NPHP4: variants seen among roughly 807,000 people sequenced by gnomAD.
The protein encoded by NPHP4 is nephrocystin-4.
Under a neutral mutation model 155.8 loss-of-function variants are expected in NPHP4, and 151 were observed. The observed-to-expected ratio is 0.97, with a 90% confidence interval of 0.85 to 1.11. The LOEUF is 1.11. NPHP4 is among the 50% of genes least tolerant of loss of function. The pLI is 0.00. For missense variants in NPHP4, 1,956 were observed against 1,925.7 expected (o/e 1.02, Z -0.29); for synonymous variants, 845 against 816.8 (o/e 1.03, Z -0.59).
At chr1:5,885,463 C>T (rs1056833033) in intron 18 of NPHP4, among the ~76,000 whole-genome samples, 3 of 152,350 alleles carry the variant, frequency 2.0e-5, no homozygotes, top group Non-Finnish European at 2.9e-5. Flanking sequence ...TGTCCCTGGA[C>T]GACAAAAGCT....
intron 9 of NPHP4, among the ~76,000 whole-genome samples, chr1:5,942,716 G>C (rs188537701): frequency 1.1e-4 from 16 of 152,092 alleles, no homozygotes; most frequent in Non-Finnish European, 1.9e-4. Flanking sequence ...GGACACACAT[G>C]GATCAGTTCA....
chr1:5,894,775 GAAAAC>G (rs1474588029), intron 16 of NPHP4, among the ~76,000 whole-genome samples: 5 of 152,030 alleles, frequency 3.3e-5, no homozygotes, highest in African/African-American at 1.2e-4. Context: ...TAATCAATTA[GAAAAC>G]AAAACAATAG....
rs1648419003 is a variant in NPHP4, at chr1:5,952,810, G to A, written c.700C>T (p.Gln234Ter). The change falls in exon 7 of 30, where the codon CAG becomes TAG. Residue 234 changes from glutamine (Q) to a stop codon, truncating the protein, a stop_gained. Coordinates refer to ENST00000378156, the MANE Select transcript of NPHP4 (RefSeq NM_015102.5). LOFTEE classifies it high-confidence loss of function. ...TCCAAGTGCCCCGTGATGGGCTTCT[G>A]GAGGCGAGGCTTTCGGAGAGCGTCG... is the stretch of plus-strand genomic sequence containing the variant. ...SGDALRKPRL[Q>*]KPITGHLDDL... is the part of the protein sequence containing the mutation. 1 of 1,600,452 alleles carries A rather than the reference G, an allele frequency of 6.2e-7. No individual in the cohort carries two copies. The highest frequency in any genetic ancestry group is 1.3e-5 in the African/African-American group (1 of 74,546).
chr1:5,887,289 C>G lies in NPHP4; in HGVS notation c.2482G>C (p.Val828Leu), dbSNP rs774129927. ...GCACAAGGCTGGGGACTCTTACCCA[C>G]GTTGGCCAAAGTCAGGTGCAGCCGG... ...KGRLHLTLANVGHPCEQKVRG... is the reference protein window; with the variant it reads ...KGRLHLTLANLGHPCEQKVRG... The change falls in exon 18 of 30, where the codon GTG becomes CTG. Residue 828 changes from valine to leucine, a missense_variant. Val to Leu is a conservative substitution (Grantham distance 32). Transcript: ENST00000378156. 4 of 1,612,232 alleles carry G rather than the reference C, an allele frequency of 2.5e-6. No individual in the cohort carries two copies. Among genetic ancestry groups the G allele is most frequent in the Non-Finnish European group, 3.4e-6 (4 of 1,179,338 alleles).
chr1:5,978,465 G>A, intron 2 of NPHP4, 52 bp from the exon 3 acceptor site: 1 of 1,557,114 alleles, frequency 6.4e-7, no homozygotes, highest in South Asian at 1.2e-5. Flanking sequence ...CATGAGCCAG[G>A]AGGTCACTGG....
intron 16 of NPHP4, among the ~76,000 whole-genome samples, chr1:5,891,898 G>T (rs1249036584): frequency 6.6e-6 from 1 of 152,210 alleles, no homozygotes; most frequent in Non-Finnish European, 1.5e-5. Context: ...CTCAAGACCA[G>T]AGGACAAGGA....
intron 10 of NPHP4, among the ~76,000 whole-genome samples, chr1:5,929,215 T>A (rs770498671): frequency 2.0e-4 from 31 of 152,246 alleles, no homozygotes; most frequent in Non-Finnish European, 3.7e-4. Context: ...CCTCAGAATC[T>A]TTGGCATAGA....
intron 9 of NPHP4, among the ~76,000 whole-genome samples, chr1:5,943,652 T>G (rs1010938512): frequency 6.6e-6 from 1 of 152,226 alleles, no homozygotes; most frequent in Non-Finnish European, 1.5e-5. Flanking sequence ...GCCCAGCTCA[T>G]GCAGGAAGAC....
chr1:5,897,659 A>G (rs1445426466), intron 16 of NPHP4, among the ~76,000 whole-genome samples: 1 of 152,182 alleles, frequency 6.6e-6, no homozygotes, highest in Non-Finnish European at 1.5e-5. Context: ...ACTGGAAAAG[A>G]ATGCAGGCGA....
rs376567298 is a variant in NPHP4, at chr1:5,905,812, G to A, written c.1612-29C>T. The A allele has an allele frequency of 1.3e-5, 21 of 1,580,404 alleles. No homozygotes were observed. Among genetic ancestry groups the A allele is most frequent in the Non-Finnish European group, 1.7e-5 (20 of 1,162,092 alleles). ...AACAAAACGAGGGCTTCCAAGTGAG[G>A]CCACCAAGGACCCCAACCCGTAACA... On this transcript the variant is annotated intron_variant, in intron 13 of 29. Coordinates refer to ENST00000378156, the MANE Select transcript of NPHP4 (RefSeq NM_015102.5). The surrounding 1 kb of genome is among the most constrained non-coding windows in gnomAD (Gnocchi z 4.0).
At chr1:5,988,609 GTCC>G (rs979216497) in intron 1 of NPHP4, among the ~76,000 whole-genome samples, 1 of 152,200 alleles carries the variant, frequency 6.6e-6, no homozygotes, top group Non-Finnish European at 1.5e-5. Context: ...GTTCTTTGGG[GTCC>G]TCAATAATCT....
chr1:5,877,505 T>G, intron 19 of NPHP4: 1 of 413,328 alleles, frequency 2.4e-6, no homozygotes, highest in Non-Finnish European at 4.3e-6. Flanking sequence ...TCCCCTCCTT[T>G]CCTCAGCCTT....
At chr1:5,918,246 A>G (rs1429017431) in intron 11 of NPHP4, among the ~76,000 whole-genome samples, 1 of 152,232 alleles carries the variant, frequency 6.6e-6, no homozygotes, top group Non-Finnish European at 1.5e-5. Context: ...ACAGGTTTCC[A>G]TAAGAGAGGG....
In NPHP4 at chr1:5,867,931, A is replaced by G; in HGVS notation, c.3316-35T>C. ...GGCCACGCTGAGTGTTGGGATGGGC[A>G]CGAGGCTTGTGAGCAGCTTCTTGTC... On this transcript the variant is annotated intron_variant, in intron 23 of 29. Coordinates refer to ENST00000378156, the MANE Select transcript of NPHP4 (RefSeq NM_015102.5). The surrounding 1 kb of genome is among the most constrained non-coding windows in gnomAD (Gnocchi z 4.1). 10 of 1,613,130 alleles carry G rather than the reference A, an allele frequency of 6.2e-6. No homozygotes were observed. Among genetic ancestry groups the G allele is most frequent in the Non-Finnish European group, 8.5e-6 (10 of 1,179,126 alleles).
chr1:5,877,159 C>G lies in NPHP4; in HGVS notation c.2751G>C (p.Glu917Asp). The G allele has an allele frequency of 6.2e-7, 1 of 1,605,408 alleles. No individual in the cohort carries two copies. The highest frequency in any genetic ancestry group is 8.5e-7 in the Non-Finnish European group (1 of 1,174,374). ...CCTGCAGGCGCACAGACCTCATCCG[C>G]TCCAGCTTACGCCTGCGGGTGGCAT... ...ESDATRRRKL[E>D]RMRSVRLQEA... The change falls in exon 20 of 30, where the codon GAG becomes GAC. Residue 917 changes from glutamate to aspartate, a missense_variant. Transcript: ENST00000378156.
intron 9 of NPHP4, among the ~76,000 whole-genome samples, chr1:5,940,488 T>C (rs1227717970): frequency 6.6e-6 from 1 of 151,986 alleles, no homozygotes; most frequent in Non-Finnish European, 1.5e-5. Context: ...GACACAAATC[T>C]CCCCGCTTTA....
intron 23 of NPHP4, among the ~76,000 whole-genome samples, chr1:5,871,857 C>T (rs1642041310): frequency 6.6e-6 from 1 of 152,142 alleles, no homozygotes; most frequent in Admixed American, 6.6e-5. Context: ...TGACTGGGGG[C>T]AGCAACAACA....
Position 5,863,071 on chromosome 1 carries a change from C to T in NPHP4, c.*194G>A. ...GGAACCCAGGCCTGCTGGGTGTCAGCAGCAGCTAAGCTGGATGCAGGTACT... is the reference window on the plus strand; with the variant it reads ...GGAACCCAGGCCTGCTGGGTGTCAGTAGCAGCTAAGCTGGATGCAGGTACT... On this transcript the variant is annotated 3_prime_UTR_variant, in exon 30 of 30. Coordinates refer to ENST00000378156, the MANE Select transcript of NPHP4 (RefSeq NM_015102.5). The T allele has an allele frequency of 3.2e-6, 2 of 621,782 alleles. No individual in the cohort carries two copies. The highest frequency in any genetic ancestry group is 5.6e-5 in the East Asian group (2 of 35,894). 38.5% of individuals were successfully genotyped at this position (621,782 alleles called of 1,614,324 possible).
At chr1:5,974,397 C>T (rs189472554) in intron 3 of NPHP4, among the ~76,000 whole-genome samples, 2 of 152,298 alleles carry the variant, frequency 1.3e-5, no homozygotes, top group East Asian at 3.9e-4. Flanking sequence ...AAGCCAGTCA[C>T]ACTACACCGG....
Sources: gnomAD v4.1 joint callset for allele counts (sites outside exome capture counted in the v4.1 genomes callset) on GRCh38, gnomAD v4.1.1 for gene constraint, Gnocchi (gnomAD v3.1) non-coding constraint, MANE v1.5 for transcripts, NCBI Gene and HGNC (gene_info 2026-07-23, HGNC 2026-07-21) for gene names.